The following PVT1 variants were observed in gnomAD, a reference collection of about 807,000 sequenced individuals.
PVT1 encodes Pvt1 oncogene.
intron 2 of PVT1, chr8:127,855,153 A>G: frequency 2.5e-6 from 1 of 398,650 alleles, no homozygotes; most frequent in Non-Finnish European, 4.4e-6. Flanking sequence ...ATCTTCCCTA[A>G]GGACCATAGC....
rs113973406 is a variant in PVT1, at chr8:127,955,965, G to T, written n.783-33197G>T. Among the ~76,000 whole-genome samples the T allele has an allele frequency of 6.2e-3, 937 of 152,336 alleles. 11 individuals are homozygous for T. Among genetic ancestry groups the T allele is most frequent in the Non-Finnish European group, 9.2e-3 (626 of 68,036 alleles). On this transcript the variant is annotated intron_variant and non_coding_transcript_variant, in intron 3 of 10. Transcript: ENST00000651587. ...TGCCCAAGATGCCCAATTAGTTTCT[G>T]CAAGGGCTAAATTTGTAGCTGGGTA...
chr8:127,991,787 AG>A (rs1563659532), intron 4 of PVT1, among the ~76,000 whole-genome samples: 1 of 152,194 alleles, frequency 6.6e-6, no homozygotes, highest in African/African-American at 2.4e-5. Flanking sequence ...AGAAAGGCCC[AG>A]GCATTTGCAT....
chr8:127,909,334 A>G (rs1414731324), intron 3 of PVT1, among the ~76,000 whole-genome samples: 1 of 152,166 alleles, frequency 6.6e-6, no homozygotes, highest in Non-Finnish European at 1.5e-5. Context: ...CTCTCCCCAA[A>G]TCAGGTGAAA....
chr8:127,968,629 G>A (rs150312229), intron 3 of PVT1, among the ~76,000 whole-genome samples: 5 of 152,312 alleles, frequency 3.3e-5, no homozygotes, highest in African/African-American at 1.2e-4. Context: ...GGTTAGTACA[G>A]TGGGTGAATT....
chr8:127,816,220 C>G lies in PVT1; in HGVS notation n.372+20149C>G, dbSNP rs575242633. ...CTCTCCACCCTGCCTAGGATCCAAA[C>G]TATGAACACTGATGGTTGACTCTAA... On this transcript the variant is annotated intron_variant and non_coding_transcript_variant, in intron 2 of 10. Coordinates refer to ENST00000651587, the Ensembl canonical transcript of PVT1. 3.3e-5 allele frequency among the ~76,000 whole-genome samples: 5 copies of G among 152,338 alleles called. No individual in the cohort carries two copies. In the South Asian group the frequency reaches 1.0e-3, roughly 32 times the overall value.
At chr8:127,936,619 C>T (rs911226059) in intron 3 of PVT1, among the ~76,000 whole-genome samples, 6 of 152,188 alleles carry the variant, frequency 3.9e-5, no homozygotes, top group African/African-American at 1.2e-4. Context: ...ATTTCCCTCC[C>T]GCCGTGATTG....
chr8:127,996,350 G>T (rs974636395), intron 4 of PVT1, among the ~76,000 whole-genome samples: 3 of 151,574 alleles, frequency 2.0e-5, no homozygotes, highest in East Asian at 3.9e-4. Flanking sequence ...GTGTCCTTCT[G>T]CTTGGAACTG....
chr8:128,006,162 A>G (rs1217773717), intron 4 of PVT1, among the ~76,000 whole-genome samples: 1 of 144,036 alleles, frequency 6.9e-6, no homozygotes, highest in Non-Finnish European at 1.5e-5. Context: ...AAGATAAGGG[A>G]AATTTGGGCA....
At chr8:127,951,752 G>A (rs1295440606) in intron 3 of PVT1, among the ~76,000 whole-genome samples, 1 of 151,978 alleles carries the variant, frequency 6.6e-6, no homozygotes, top group African/African-American at 2.4e-5. Flanking sequence ...TTAAGCCCAG[G>A]GTTGATCCCA....
chr8:127,816,522 T>C (rs954299607), intron 2 of PVT1, among the ~76,000 whole-genome samples: 48 of 151,622 alleles, frequency 3.2e-4, no homozygotes, highest in African/African-American at 1.1e-3. Context: ...TCTTTTTTTT[T>C]TCTTTTTTTT....
Position 127,984,994 on chromosome 8 carries a change from T to TCCTTCCTTCC in PVT1, n.783-4168_783-4167insCCTTCCTTCC, listed in dbSNP as rs1554602248. Reference sequence around the variant, plus strand: ...TCCTTCCTTCCTTTCTTTCTTTCTCTTTCCTTCCTTCCTTCCTTCCTTCCT... The same window carrying TCCTTCCTTCC: ...TCCTTCCTTCCTTTCTTTCTTTCTCTCCTTCCTTCCTTCCTTCCTTCCTTCCTTCCTTCCT... On this transcript the variant is annotated intron_variant and non_coding_transcript_variant, in intron 3 of 10. Coordinates refer to ENST00000651587, the Ensembl canonical transcript of PVT1. 8.9e-5 allele frequency among the ~76,000 whole-genome samples: 6 copies of TCCTTCCTTCC among 67,134 alleles called. 2 individuals carry two copies. The highest frequency in any genetic ancestry group is 4.6e-4 in the Admixed American group (3 of 6,504). 44.0% of individuals were successfully genotyped at this position (67,134 alleles called of 152,430 possible).
chr8:127,834,449 C>A (rs1814886704), intron 2 of PVT1, among the ~76,000 whole-genome samples: 2 of 152,072 alleles, frequency 1.3e-5, no homozygotes, highest in African/African-American at 4.8e-5. Flanking sequence ...AAACATAAGA[C>A]CTAAAACCAT....
chr8:128,044,004 ATTAT>A (rs201026127), intron 4 of PVT1, among the ~76,000 whole-genome samples: 4,749 of 45,946 alleles, frequency 0.1, 253 homozygotes, highest in African/African-American at 0.32. Context: ...TTTTTTTATT[ATTAT>A]TTATTTATTT....
chr8:127,853,172 A>T (rs1815123438), intron 2 of PVT1, among the ~76,000 whole-genome samples: 1 of 152,166 alleles, frequency 6.6e-6, no homozygotes, highest in African/African-American at 2.4e-5. Context: ...CCTCCCAGAG[A>T]ATTCCTATAA....
intron 4 of PVT1, among the ~76,000 whole-genome samples, chr8:128,042,167 T>C (rs946947710): frequency 6.6e-6 from 1 of 152,198 alleles, no homozygotes; most frequent in Non-Finnish European, 1.5e-5. Flanking sequence ...ACTCGGTGAC[T>C]GGAAAAATGG....
intron 4 of PVT1, among the ~76,000 whole-genome samples, chr8:128,001,300 G>T (rs1817173990): frequency 6.6e-6 from 1 of 152,206 alleles, no homozygotes; most frequent in Non-Finnish European, 1.5e-5. Flanking sequence ...GTGAACAATG[G>T]TTCCCAGAGT....
At chr8:128,040,155 G>A (rs1813513916) in intron 4 of PVT1, among the ~76,000 whole-genome samples, 1 of 152,226 alleles carries the variant, frequency 6.6e-6, no homozygotes, top group Admixed American at 6.5e-5. Context: ...TCAGACATGT[G>A]ATCAAATACC....
intron 3 of PVT1, chr8:127,939,706 A>G (rs148495968): frequency 1.5e-4 from 23 of 152,358 alleles, no homozygotes; most frequent in African/African-American, 5.1e-4. Context: ...CCATGTGCTA[A>G]CAGAGAAGAT....
intron 4 of PVT1, among the ~76,000 whole-genome samples, chr8:127,999,530 C>T (rs1260351022): frequency 1.3e-5 from 2 of 151,158 alleles, no homozygotes; most frequent in Non-Finnish European, 2.9e-5. Flanking sequence ...GGTGTGATCT[C>T]GTCTCACTGC....
Sources: gnomAD v4.1 joint callset for allele counts (sites outside exome capture counted in the v4.1 genomes callset) on GRCh38, gnomAD v4.1.1 for gene constraint, MANE v1.5 for transcripts, NCBI Gene and HGNC (gene_info 2026-07-23, HGNC 2026-07-21) for gene names.